The following MMD2 variants were observed in gnomAD, a reference collection of about 807,000 sequenced individuals.
The protein encoded by MMD2 is monocyte to macrophage differentiation factor 2.
A neutral mutation model predicts 33.5 loss-of-function variants in MMD2; 30 were observed. That is an observed-to-expected ratio of 0.90 (90% CI 0.67 to 1.22). The LOEUF (loss-of-function observed/expected upper bound fraction) is 1.22, where lower values mean the gene tolerates loss of function less well. Among genes scored for constraint, MMD2 ranks in the 50% most tolerant of loss-of-function variants. MMD2 has a pLI of 0.00. For missense variants in MMD2, 364 were observed against 325.4 expected, an observed-to-expected ratio of 1.12 and a Z score of -0.91; for synonymous variants, 129 against 123.0, an observed-to-expected ratio of 1.05 and a Z score of -0.32.
chr7:4,893,702 G>C, the MMD2 span, among the ~76,000 whole-genome samples: 3 of 151,976 alleles, frequency 2.0e-5, no homozygotes, highest in African/African-American at 7.2e-5. Context: ...GTTATTTCTT[G>C]ATTATATACT....
chr7:4,946,807 C>T lies in MMD2; in HGVS notation c.47+12164G>A, dbSNP rs1293947468. Among the ~76,000 whole-genome samples, 1 of 152,160 alleles carries T rather than the reference C, an allele frequency of 6.6e-6. No individual in the cohort carries two copies. The highest frequency in any genetic ancestry group is 1.5e-5 in the Non-Finnish European group (1 of 68,026). ...AGTGCAGTGGTGCAATCATAGCTCA[C>T]TGCAGCCTCGAATTCCTGGGCTCAA... On this transcript the variant is annotated intron_variant, in intron 1 of 6. Transcript: ENST00000401401. The surrounding 1 kb of genome is among the most constrained non-coding windows in gnomAD (Gnocchi z 5.0).
In MMD2 at chr7:4,911,313, C is replaced by G. The variant is rs956025962; in HGVS notation, c.366-67G>C. The G allele has an allele frequency of 3.8e-6, 5 of 1,318,016 alleles. No homozygotes were observed. The Admixed American group carries it at 1.0e-4, about 28-fold the overall frequency. 81.6% of individuals were successfully genotyped at this position (1,318,016 alleles called of 1,614,324 possible). ...CACCAGGACCCCGGCCCTCGAGGAC[C>G]GGCCTGTCACAGGAAATGGACCCCA... On this transcript the variant is annotated intron_variant, in intron 4 of 6. Coordinates refer to ENST00000401401, the MANE Select transcript of MMD2 (RefSeq NM_198403.4).
chr7:4,899,579 T>C, the MMD2 span, among the ~76,000 whole-genome samples: 1 of 151,842 alleles, frequency 6.6e-6, no homozygotes, highest in Non-Finnish European at 1.5e-5. Flanking sequence ...GTAGAGACAG[T>C]GGGAGGGAGC....
At chr7:4,934,749 G>A (rs1212546239) in intron 1 of MMD2, among the ~76,000 whole-genome samples, 2 of 152,224 alleles carry the variant, frequency 1.3e-5, no homozygotes, top group Non-Finnish European at 2.9e-5. Context: ...ACAGGCTTTG[G>A]AGCTTGGCAC....
At position 4,909,973 on chromosome 7, in the gene MMD2, C is replaced by T. The variant is rs750227224; in HGVS notation, c.468-23G>A. On this transcript the variant is annotated intron_variant, in intron 5 of 6. Transcript: ENST00000401401. ...TACCTGGCAGGAAGACAAGCCGTGCCGGCCTTAGGACATGCCTCCCCACGA... is the reference window on the plus strand; with the variant it reads ...TACCTGGCAGGAAGACAAGCCGTGCTGGCCTTAGGACATGCCTCCCCACGA... 37 of 1,613,822 alleles carry T rather than the reference C, an allele frequency of 2.3e-5. 1 individual carries two copies. Among genetic ancestry groups the T allele is most frequent in the African/African-American group, 9.3e-5 (7 of 74,916 alleles).
At chr7:4,900,056 C>T in the MMD2 span, among the ~76,000 whole-genome samples, 33 of 152,140 alleles carry the variant, frequency 2.2e-4, no homozygotes, top group Non-Finnish European at 4.6e-4. Context: ...AATCCTCGCA[C>T]TTTGGGAGGC....
At chr7:4,949,102 C>A (rs1448135428) in intron 1 of MMD2, among the ~76,000 whole-genome samples, 1 of 152,062 alleles carries the variant, frequency 6.6e-6, no homozygotes, top group Non-Finnish European at 1.5e-5. Flanking sequence ...CCCAGCTACT[C>A]GGGACGCTGA....
In MMD2 at chr7:4,907,360, C is replaced by T; in HGVS notation, c.*36G>A. 1 of 1,607,826 alleles carries T rather than the reference C, an allele frequency of 6.2e-7. No homozygotes were observed. The highest frequency in any genetic ancestry group is 8.5e-7 in the Non-Finnish European group (1 of 1,175,508). Reference sequence around the variant, plus strand: ...AACGTTCACAGAAACGTGCTCCACTCCTAAAGCCCAAACGACCTCTCAAGT... The same window carrying T: ...AACGTTCACAGAAACGTGCTCCACTTCTAAAGCCCAAACGACCTCTCAAGT... On this transcript the variant is annotated 3_prime_UTR_variant, in exon 7 of 7. Coordinates refer to ENST00000401401, the MANE Select transcript of MMD2 (RefSeq NM_198403.4).
intron 4 of MMD2, among the ~76,000 whole-genome samples, chr7:4,913,489 G>C (rs1294366997): frequency 3.9e-5 from 6 of 152,032 alleles, no homozygotes; most frequent in Non-Finnish European, 7.4e-5. Context: ...GGCCGAGGCA[G>C]GTGGATCCAC....
chr7:4,900,431 T>G, the MMD2 span, among the ~76,000 whole-genome samples: 4 of 152,030 alleles, frequency 2.6e-5, no homozygotes, highest in Non-Finnish European at 4.4e-5. Flanking sequence ...GGTCATGGTG[T>G]GTCTGTAAAT....
rs141772194 is a variant in MMD2, at chr7:4,946,024, G to A, written c.47+12947C>T. 3.1e-3 allele frequency among the ~76,000 whole-genome samples: 478 copies of A among 152,172 alleles called. 6 individuals are homozygous for A. Among genetic ancestry groups the A allele is most frequent in the African/African-American group, 0.011 (466 of 41,566 alleles). ...GTAACGCAGCTGCCTGCTCAGAGAA[G>A]ATTCCTCTGGAGACGTACACCTCTC... On this transcript the variant is annotated intron_variant, in intron 1 of 6. Transcript: ENST00000401401. The surrounding 1 kb of genome is among the most constrained non-coding windows in gnomAD (Gnocchi z 5.0).
At chr7:4,958,145 C>T (rs1169699022) in intron 1 of MMD2, among the ~76,000 whole-genome samples, 4 of 152,188 alleles carry the variant, frequency 2.6e-5, no homozygotes, top group Non-Finnish European at 2.9e-5. Context: ...TCCAAAGAGG[C>T]CCCCGCGGGC....
At chr7:4,922,977 G>A (rs951572594) in intron 2 of MMD2, among the ~76,000 whole-genome samples, 1 of 152,144 alleles carries the variant, frequency 6.6e-6, no homozygotes, top group Admixed American at 6.6e-5. Flanking sequence ...CCCACTTCCT[G>A]GAGCCTGCTG....
At position 4,929,532 on chromosome 7, in the gene MMD2, CT is replaced by C. The variant is rs888039528; in HGVS notation, c.48-4001del. ...TTGTTTGTTTTTTGAGATGGAGTCTCTTTTTTTTTTGAGACGGAGTCTTGCT... is the reference window on the plus strand; with the variant it reads ...TTGTTTGTTTTTTGAGATGGAGTCTCTTTTTTTTTGAGACGGAGTCTTGCT... On this transcript the variant is annotated intron_variant, in intron 1 of 6. Transcript: ENST00000401401. Among the ~76,000 whole-genome samples the C allele has an allele frequency of 1.4e-3, 214 of 148,432 alleles. 1 individual carries two copies. Among genetic ancestry groups the C allele is most frequent in the African/African-American group, 4.9e-3 (199 of 40,612 alleles).
downstream of MMD2, among the ~76,000 whole-genome samples, chr7:4,903,845 G>A (rs555427478): frequency 2.0e-4 from 30 of 152,326 alleles, no homozygotes; most frequent in Admixed American, 9.8e-4. Context: ...GAGGCATGAC[G>A]ACAGCTCTGC....
chr7:4,956,647 C>T (rs1230490060), intron 1 of MMD2, among the ~76,000 whole-genome samples: 1 of 152,100 alleles, frequency 6.6e-6, no homozygotes, highest in African/African-American at 2.4e-5. Flanking sequence ...TCCAGAGCAG[C>T]CAGCGCAAGT....
downstream of MMD2, among the ~76,000 whole-genome samples, chr7:4,902,612 G>C (rs777325604): frequency 6.6e-6 from 1 of 152,150 alleles, no homozygotes; most frequent in Non-Finnish European, 1.5e-5. Context: ...GCTCTTTCTC[G>C]TCACACCTGC....
In MMD2 at chr7:4,933,882, C is replaced by A. The variant is rs927811607; in HGVS notation, c.48-8350G>T. Among the ~76,000 whole-genome samples, 6 of 151,668 alleles carry A rather than the reference C, an allele frequency of 4.0e-5. No individual in the cohort carries two copies. The South Asian group carries it at 8.4e-4, about 21-fold the overall frequency. On this transcript the variant is annotated intron_variant, in intron 1 of 6. Transcript: ENST00000401401. ...TCCTGGACTCAAGTGATCCTCTGGCCTCAGCCTCCCAAAGTATTGGGATTA... is the reference window on the plus strand; with the variant it reads ...TCCTGGACTCAAGTGATCCTCTGGCATCAGCCTCCCAAAGTATTGGGATTA...
downstream of MMD2, chr7:4,905,903 C>T (rs1159674414): frequency 1.3e-5 from 2 of 152,870 alleles, no homozygotes; most frequent in Non-Finnish European, 2.9e-5. This position sits in a 1 kb window ranked among gnomAD's most constrained non-coding sequence, Gnocchi z 5.0. Flanking sequence ...TATACACACA[C>T]ACACACGCAC....
Sources: gnomAD v4.1 joint callset for allele counts (sites outside exome capture counted in the v4.1 genomes callset) on GRCh38, gnomAD v4.1.1 for gene constraint, Gnocchi (gnomAD v3.1) non-coding constraint, MANE v1.5 for transcripts, NCBI Gene and HGNC (gene_info 2026-07-23, HGNC 2026-07-21) for gene names.